Variants in AP4S1 observed in about 807,000 individuals in gnomAD.
AP4S1 encodes the protein adaptor related protein complex 4 subunit sigma 1.
In AP4S1, 23 loss-of-function variants were observed where a neutral mutation model predicts 19.8. That is an observed-to-expected ratio of 1.16 (90% CI 0.84 to 1.65). AP4S1 has a LOEUF of 1.65. AP4S1 is among the 40% of genes most tolerant of loss of function. The pLI is 0.00. For missense variants in AP4S1, 166 were observed against 172.8 expected, an observed-to-expected ratio of 0.96 and a Z score of 0.22; for synonymous variants, 46 against 54.1, an observed-to-expected ratio of 0.85 and a Z score of 0.66.
intron 1 of AP4S1, among the ~76,000 whole-genome samples, chr14:31,042,169 C>A (rs1885146840): frequency 6.6e-6 from 1 of 152,142 alleles, no homozygotes; most frequent in Admixed American, 6.6e-5. Flanking sequence ...ACCCTTGGCA[C>A]TAAAACCAAA....
upstream of AP4S1, chr14:31,025,116 A>T (rs1594605024): frequency 6.6e-6 from 1 of 152,238 alleles, no homozygotes; most frequent in Non-Finnish European, 1.5e-5. Context: ...AAATCTCTTC[A>T]GTCGTTTCAT....
chr14:31,048,696 G>A (rs375954226), intron 1 of AP4S1, among the ~76,000 whole-genome samples: 23 of 152,046 alleles, frequency 1.5e-4, no homozygotes, highest in South Asian at 2.1e-4. Flanking sequence ...CCAAGATTGC[G>A]TCATTGCACT....
At chr14:31,069,700 G>A (rs1886896897) in intron 2 of AP4S1, 143 bp from the exon 3 acceptor site, 10 of 728,698 alleles carry the variant, frequency 1.4e-5, no homozygotes, top group Non-Finnish European at 9.8e-6. Context: ...TTGTGAGAAG[G>A]TCACCAATGG....
intron 1 of AP4S1, chr14:31,026,069 G>A: frequency 6.6e-7 from 1 of 1,516,142 alleles, no homozygotes; most frequent in Non-Finnish European, 8.8e-7. Context: ...GACCCCCGCC[G>A]CCCGCCGCTC....
intron 3 of AP4S1, among the ~76,000 whole-genome samples, 153 bp downstream of exon 3, chr14:31,070,082 C>T (rs1211607315): frequency 1.3e-5 from 2 of 152,138 alleles, no homozygotes; most frequent in South Asian, 2.1e-4. Flanking sequence ...GCAACCTCCA[C>T]CTCCCAGGTT....
At chr14:31,058,703 G>T (rs1886269409) in intron 1 of AP4S1, among the ~76,000 whole-genome samples, 1 of 150,560 alleles carries the variant, frequency 6.6e-6, no homozygotes, top group South Asian at 2.1e-4. Flanking sequence ...AAGTAGCTGG[G>T]ACTATAGGTA....
rs544654166 is a variant in AP4S1 at position 31,055,343 on chromosome 14, G to A, written c.-71-10783G>A. Among the ~76,000 whole-genome samples the A allele has an allele frequency of 6.6e-5, 10 of 152,072 alleles. No homozygotes were observed. The South Asian group carries it at 1.9e-3, about 28-fold the overall frequency. ...GAATAGGCAGGAAAAGCTTCACCAG[G>A]GAAAAGACAACATGTTATCATGATG... On this transcript the variant is annotated intron_variant, in intron 1 of 5. Transcript: ENST00000542754.
At chr14:31,058,561 G>C (rs1203696499) in intron 1 of AP4S1, among the ~76,000 whole-genome samples, 1 of 71,680 alleles carries the variant, frequency 1.4e-5, no homozygotes, top group African/African-American at 4.5e-5. Context: ...GTGTGTGTGT[G>C]TGTGTGTGTG....
At chr14:31,085,127 A>G (rs2139117195) in intron 5 of AP4S1, 1 of 1,300,508 alleles carries the variant, frequency 7.7e-7, no homozygotes, top group Non-Finnish European at 9.8e-7. Context: ...GGCCCATTCT[A>G]TGTCTGCTTC....
At chr14:31,050,378 C>A (rs1366782036) in intron 1 of AP4S1, among the ~76,000 whole-genome samples, 2 of 151,974 alleles carry the variant, frequency 1.3e-5, no homozygotes, top group African/African-American at 4.8e-5. Flanking sequence ...TATTTTTTTA[C>A]TTGGAGTGTT....
At chr14:31,079,780 C>A (rs1887543318) in intron 4 of AP4S1, among the ~76,000 whole-genome samples, 2 of 152,118 alleles carry the variant, frequency 1.3e-5, no homozygotes, top group African/African-American at 4.8e-5. Context: ...GAACCAAGAT[C>A]ATGCCACTGC....
intron 1 of AP4S1, among the ~76,000 whole-genome samples, chr14:31,028,616 C>G (rs1034420207): frequency 2.0e-5 from 3 of 151,784 alleles, no homozygotes; most frequent in African/African-American, 7.3e-5. Context: ...CACACACACA[C>G]ACAGAGACAT....
intron 4 of AP4S1, among the ~76,000 whole-genome samples, chr14:31,073,846 C>A (rs1406227079): frequency 6.6e-6 from 1 of 151,714 alleles, no homozygotes; most frequent in Non-Finnish European, 1.5e-5. Context: ...GCCTGGCCCC[C>A]TCTGCCTTAT....
intron 2 of AP4S1, among the ~76,000 whole-genome samples, chr14:31,067,897 G>A (rs953182417): frequency 2.8e-4 from 41 of 147,360 alleles, no homozygotes; most frequent in African/African-American, 1.0e-3. Flanking sequence ...TTGAGACAGA[G>A]TTTTGCTCTT....
chr14:31,037,893 A>G (rs1200937892), intron 1 of AP4S1, among the ~76,000 whole-genome samples: 1 of 152,256 alleles, frequency 6.6e-6, no homozygotes, highest in African/African-American at 2.4e-5. Flanking sequence ...TCCAGGGTGT[A>G]GTGAGCTATG....
chr14:31,050,897 A>C (rs967747886), intron 1 of AP4S1, among the ~76,000 whole-genome samples: 1 of 151,108 alleles, frequency 6.6e-6, no homozygotes, highest in Admixed American at 6.6e-5. Context: ...CTTGTTTTTC[A>C]TGACTGTGGC....
intron 1 of AP4S1, among the ~76,000 whole-genome samples, chr14:31,032,187 G>C (rs904690752): frequency 1.3e-5 from 2 of 152,098 alleles, no homozygotes; most frequent in Non-Finnish European, 2.9e-5. Flanking sequence ...TTCGAGACCA[G>C]CCTGGCCAAC....
rs1884570761 is a variant in AP4S1, at chr14:31,033,986, C to A, written c.-72+8199C>A. Among the ~76,000 whole-genome samples the A allele has an allele frequency of 2.0e-5, 3 of 152,178 alleles. No individual in the cohort carries two copies. In the South Asian group the frequency reaches 6.2e-4, roughly 31 times the overall value. ...AAGAAAGGATTGCCTGGAGCCAAGT[C>A]CCTCCTGGACATTGGCTAAGAATGA... On this transcript the variant is annotated intron_variant, in intron 1 of 5. Coordinates refer to ENST00000542754, the MANE Select transcript of AP4S1 (RefSeq NM_001128126.3).
intron 1 of AP4S1, among the ~76,000 whole-genome samples, chr14:31,027,751 C>T (rs571758602): frequency 2.2e-3 from 329 of 152,228 alleles, no homozygotes; most frequent in Middle Eastern, 3.4e-3. Context: ...CTTTTATGTG[C>T]TTAGTTTCCT....
Sources: allele counts gnomAD v4.1 joint callset (sites outside exome capture counted in the v4.1 genomes callset), GRCh38; gene constraint gnomAD v4.1.1; transcripts MANE v1.5; gene names NCBI Gene and HGNC (gene_info 2026-07-23, HGNC 2026-07-21).